The following AKAP8L variants were observed in gnomAD, a reference collection of about 807,000 sequenced individuals.
AKAP8L encodes the protein A-kinase anchoring protein 8 like, also known as A-kinase anchor protein 8-like.
Under a neutral mutation model 77.5 loss-of-function variants are expected in AKAP8L, and 34 were observed. The ratio of observed to expected loss-of-function variants is 0.44; its 90% CI spans 0.33 to 0.58. The LOEUF (loss-of-function observed/expected upper bound fraction) is 0.58, where lower values mean the gene tolerates loss of function less well. Among genes scored for constraint, AKAP8L ranks in the 20% least tolerant of loss-of-function variants. AKAP8L has a pLI of 0.02. For synonymous variants in AKAP8L, 342 were observed against 340.7 expected (o/e 1.00, Z -0.04); for missense variants, 806 against 887.6 (o/e 0.91, Z 1.17).
At chr19:15,414,380 G>C (rs553447791) in intron 1 of AKAP8L, among the ~76,000 whole-genome samples, 33 of 151,282 alleles carry the variant, frequency 2.2e-4, no homozygotes, top group Admixed American at 7.9e-4. Context: ...GGTTTGTAAA[G>C]TGTTCTCTTG....
In AKAP8L at chr19:15,398,570, C is replaced by A; in HGVS notation, c.1158-715G>T. On this transcript the variant is annotated intron_variant, in intron 9 of 13. Transcript: ENST00000397410. The surrounding 1 kb of genome is among the most constrained non-coding windows in gnomAD (Gnocchi z 9.2). ...GGTCTGGGGCCTGGGCCGGAGCAGG[C>A]CGCCGTGGCAAGGGGCGGAGGAGGC... The A allele has an allele frequency of 1.0e-6, 1 of 987,142 alleles. No individual in the cohort carries two copies. The highest frequency in any genetic ancestry group is 4.7e-5 in the South Asian group (1 of 21,316). 61.1% of individuals were successfully genotyped at this position (987,142 alleles called of 1,614,324 possible).
Position 15,410,505 on chromosome 19 carries a change from G to T in AKAP8L, c.88+15C>A, listed in dbSNP as rs1174233189. On this transcript the variant is annotated intron_variant, in intron 2 of 13. Transcript: ENST00000397410. ...CTGCAGAACACTTTGGTTCCCACCA[G>T]AAGTCCACACTTACCATAATCACAG... is the stretch of plus-strand genomic sequence containing the variant. 1 of 1,565,786 alleles carries T rather than the reference G, an allele frequency of 6.4e-7. No homozygotes were observed. Among genetic ancestry groups the T allele is most frequent in the Admixed American group, 1.9e-5 (1 of 52,598 alleles).
intron 1 of AKAP8L, among the ~76,000 whole-genome samples, chr19:15,412,751 C>G (rs1437087284): frequency 6.6e-6 from 1 of 152,190 alleles, no homozygotes; most frequent in Admixed American, 6.5e-5. Context: ...ACCATGTTAG[C>G]CAGGATGGTC....
rs528662070 is a variant in AKAP8L at position 15,401,649 on chromosome 19, C to G, written c.363-46G>C. 3 of 1,462,054 alleles carry G rather than the reference C, an allele frequency of 2.1e-6. No individual in the cohort carries two copies. The African/African-American group carries it at 4.2e-5, about 20-fold the overall frequency. The allele number at this position is 1,462,054 out of a possible 1,614,324, so 90.6% of individuals were successfully genotyped here. A position where few individuals can be genotyped will look rare whatever the true frequency, so the allele number is the denominator to read the frequency against. ...CATCAGGTGGAGCCCCTCAGGATCC[C>G]TCACCTCCAGGCAACTGCTCCTGCC... On this transcript the variant is annotated intron_variant, in intron 4 of 13. Transcript: ENST00000397410. The surrounding 1 kb of genome is among the most constrained non-coding windows in gnomAD (Gnocchi z 6.2).
At chr19:15,383,152 A>T (rs2145101646) in intron 12 of AKAP8L, 1 of 152,338 alleles carries the variant, frequency 6.6e-6, no homozygotes, top group African/African-American at 2.4e-5. Context: ...TGACTCAACT[A>T]CAAGGCGCTT....
At position 15,397,331 on chromosome 19, in the gene AKAP8L, C is replaced by G. The variant is rs565126954; in HGVS notation, c.1406-51G>C. On this transcript the variant is annotated intron_variant, in intron 11 of 13. Coordinates refer to ENST00000397410, the MANE Select transcript of AKAP8L (RefSeq NM_014371.4). The surrounding 1 kb of genome is among the most constrained non-coding windows in gnomAD (Gnocchi z 4.7). The stretch of plus-strand genomic sequence containing the variant: ...ACTGGGCCCAGGTGCCTAAGATAGA[C>G]CCAGGTGTTCGAGAAAAAAACCACA... The G allele has an allele frequency of 1.1e-5, 17 of 1,603,836 alleles. No homozygotes were observed. The highest frequency in any genetic ancestry group is 1.4e-5 in the Non-Finnish European group (17 of 1,173,026).
intron 4 of AKAP8L, among the ~76,000 whole-genome samples, chr19:15,402,748 A>G (rs917109346): frequency 6.6e-6 from 1 of 152,200 alleles, no homozygotes; most frequent in African/African-American, 2.4e-5. Context: ...AGATACACCC[A>G]CGCTCCTCAC....
intron 7 of AKAP8L, 189 bp from the exon 8 acceptor site, chr19:15,400,547 G>A: frequency 1.4e-6 from 1 of 722,786 alleles, no homozygotes; most frequent in East Asian, 2.7e-5. Flanking sequence ...ACAAGGCCCG[G>A]CTATGTGCCA....
intron 12 of AKAP8L, among the ~76,000 whole-genome samples, chr19:15,395,985 A>AAAAAAAAAG (rs1967766172): frequency 1.5e-5 from 2 of 131,338 alleles, no homozygotes; most frequent in Admixed American, 1.5e-4. Context: ...CTCCGTCTCA[A>AAAAAAAAAG]AAAAAAAAAA....
chr19:15,399,450 C>G lies in AKAP8L; in HGVS notation c.1049-40G>C, dbSNP rs781040067. The G allele has an allele frequency of 1.3e-6, 2 of 1,506,654 alleles. No individual in the cohort carries two copies. Among genetic ancestry groups the G allele is most frequent in the East Asian group, 4.5e-5 (2 of 44,354 alleles). The allele number at this position is 1,506,654 out of a possible 1,614,324, so 93.3% of individuals were successfully genotyped here. On this transcript the variant is annotated intron_variant, in intron 8 of 13. Coordinates refer to ENST00000397410, the MANE Select transcript of AKAP8L (RefSeq NM_014371.4). This position sits in a 1 kb window ranked among gnomAD's most constrained non-coding sequence, Gnocchi z 6.1. The stretch of plus-strand genomic sequence containing the variant: ...GGGCACTGTCACCAATTTGGCTCTG[C>G]CAGGACAGGGCAGGCCCTGCGGCCT...
Position 15,401,545 on chromosome 19 carries a change from G to T in AKAP8L, c.421C>A (p.Arg141=). Residue 141 remains arginine, a synonymous_variant, in exon 5 of 14, where the codon CGG becomes AGG. Transcript: ENST00000397410. This position sits in a 1 kb window ranked among gnomAD's most constrained non-coding sequence, Gnocchi z 6.2. ...AGCTCGCTGTAGTCATAGCCTGACC[G>T]GTACAGGTCGCGCTCACTCAGGACG... is the stretch of plus-strand genomic sequence containing the variant. ...RAVLSERDLY[R]SGYDYSELDP... The T allele has an allele frequency of 6.2e-7, 1 of 1,613,152 alleles. No homozygotes were observed. The highest frequency in any genetic ancestry group is 8.5e-7 in the Non-Finnish European group (1 of 1,179,668).
chr19:15,396,918 G>A (rs1342052116), intron 12 of AKAP8L, among the ~76,000 whole-genome samples: 1 of 152,196 alleles, frequency 6.6e-6, no homozygotes, highest in African/African-American at 2.4e-5. Context: ...CTATGAACAT[G>A]GAGGTCCCCA....
intron 12 of AKAP8L, among the ~76,000 whole-genome samples, chr19:15,390,712 A>T (rs888038175): frequency 1.3e-5 from 2 of 152,212 alleles, no homozygotes; most frequent in African/African-American, 4.8e-5. Flanking sequence ...ATATAAACAT[A>T]ATTACACACT....
At chr19:15,417,161 T>C (rs1968221821) in intron 1 of AKAP8L, among the ~76,000 whole-genome samples, 1 of 152,076 alleles carries the variant, frequency 6.6e-6, no homozygotes, top group Non-Finnish European at 1.5e-5. Context: ...AGTTTCCTCA[T>C]CTATTAAAAA....
At chr19:15,406,474 T>C (rs1186443392) in intron 2 of AKAP8L, among the ~76,000 whole-genome samples, 2 of 151,058 alleles carry the variant, frequency 1.3e-5, no homozygotes, top group South Asian at 2.1e-4. Context: ...TATATGTACA[T>C]ATATATTTTT....
chr19:15,387,410 T>C (rs1967561715), intron 12 of AKAP8L, among the ~76,000 whole-genome samples: 1 of 151,786 alleles, frequency 6.6e-6, no homozygotes, highest in Admixed American at 6.6e-5. Flanking sequence ...CAATGGAGAC[T>C]AGGGAGGAAA....
chr19:15,417,896 T>A (rs929175025), intron 1 of AKAP8L, among the ~76,000 whole-genome samples: 1 of 152,200 alleles, frequency 6.6e-6, no homozygotes, highest in Non-Finnish European at 1.5e-5. Context: ...CACCCAGTGA[T>A]GATTTACAGT....
chr19:15,400,691 G>T, intron 7 of AKAP8L, 103 bp downstream of exon 7: 2 of 1,377,104 alleles, frequency 1.5e-6, no homozygotes, highest in South Asian at 1.2e-5. Context: ...CACCATGCAC[G>T]CAGAGCTGAC....
At chr19:15,392,502 TA>T (rs74193977) in intron 12 of AKAP8L, among the ~76,000 whole-genome samples, 51 of 126,794 alleles carry the variant, frequency 4.0e-4, no homozygotes, top group Middle Eastern at 4.3e-3. Context: ...ATTTCAAGAA[TA>T]AAAAAAAAAA....
Sources: allele counts gnomAD v4.1 joint callset (sites outside exome capture counted in the v4.1 genomes callset), GRCh38; gene constraint gnomAD v4.1.1; non-coding constraint Gnocchi (gnomAD v3.1); transcripts MANE v1.5; gene names NCBI Gene and HGNC (gene_info 2026-07-23, HGNC 2026-07-21).